ADORA2B: variants seen among roughly 807,000 people sequenced by gnomAD.
ADORA2B encodes the protein adenosine receptor A2b.
In ADORA2B, 18 loss-of-function variants were observed where a neutral mutation model predicts 20.8. The ratio of observed to expected loss-of-function variants is 0.87; its 90% confidence interval spans 0.60 to 1.29. The LOEUF (loss-of-function observed/expected upper bound fraction) is 1.29. Ranked by LOEUF, ADORA2B falls within the 50% of genes most tolerant of loss-of-function variation. The pLI, the probability that ADORA2B is intolerant of heterozygous loss-of-function variation, is 0.00. For synonymous variants in ADORA2B, 179 were observed against 178.3 expected (o/e 1.00, Z -0.03); for missense variants, 441 against 422.7 (o/e 1.04, Z -0.38).
intron 1 of ADORA2B, among the ~76,000 whole-genome samples, chr17:15,960,148 G>C (rs969227070): frequency 3.9e-5 from 6 of 152,158 alleles, no homozygotes; most frequent in African/African-American, 1.2e-4. Flanking sequence ...CATGCCTATA[G>C]TCCTAGCTAT....
At chr17:15,909,441 A>G in the ADORA2B span, among the ~76,000 whole-genome samples, 490 of 152,328 alleles carry the variant, frequency 3.2e-3, 4 homozygotes, top group Admixed American at 0.024. Flanking sequence ...GCGAAAGGAA[A>G]GCCTGTGATA....
At chr17:15,964,870 G>T (rs11867938) in intron 1 of ADORA2B, among the ~76,000 whole-genome samples, 3 of 151,930 alleles carry the variant, frequency 2.0e-5, no homozygotes, top group Non-Finnish European at 4.4e-5. Context: ...GACCATCCTG[G>T]CTAACACGGT....
the ADORA2B span, among the ~76,000 whole-genome samples, chr17:15,875,594 T>G: frequency 6.6e-6 from 1 of 152,040 alleles, no homozygotes; most frequent in Non-Finnish European, 1.5e-5. Flanking sequence ...TTTCTTTTGC[T>G]TTTTTTTGAG....
At chr17:15,957,162 G>A (rs1969977236) in intron 1 of ADORA2B, among the ~76,000 whole-genome samples, 1 of 152,216 alleles carries the variant, frequency 6.6e-6, no homozygotes, top group Admixed American at 6.5e-5. Context: ...TTGGAGACTC[G>A]TAGAACCACA....
chr17:15,928,909 T>C, the ADORA2B span, among the ~76,000 whole-genome samples: 2 of 151,954 alleles, frequency 1.3e-5, no homozygotes, highest in African/African-American at 4.8e-5. Context: ...TCGAGGGTGA[T>C]GTAGTCCCTA....
chr17:15,895,073 T>C, the ADORA2B span, among the ~76,000 whole-genome samples: 21 of 152,222 alleles, frequency 1.4e-4, no homozygotes, highest in South Asian at 4.0e-3. Flanking sequence ...AAAATTCCTC[T>C]TCTTGGGCGA....
the ADORA2B span, among the ~76,000 whole-genome samples, chr17:15,866,748 G>GCTGCCA: frequency 0.044 from 5,881 of 134,654 alleles, no homozygotes; most frequent in South Asian, 0.1. Context: ...TGCCTCTGCC[G>GCTGCCA]CTGCCTCTCT....
chr17:15,969,838 T>TA (rs2151609212), intron 1 of ADORA2B, among the ~76,000 whole-genome samples: 1 of 152,368 alleles, frequency 6.6e-6, no homozygotes, highest in Non-Finnish European at 1.5e-5. Context: ...AGGTGACCTT[T>TA]ATACAACAGA....
At chr17:15,922,179 C>T in the ADORA2B span, among the ~76,000 whole-genome samples, 11 of 152,176 alleles carry the variant, frequency 7.2e-5, no homozygotes, top group African/African-American at 1.7e-4. Flanking sequence ...TTCCCAGATG[C>T]GTACACACTG....
At chr17:15,923,702 G>A in the ADORA2B span, among the ~76,000 whole-genome samples, 7 of 151,778 alleles carry the variant, frequency 4.6e-5, no homozygotes, top group Admixed American at 1.3e-4. Flanking sequence ...CACCGCGCCC[G>A]GTCCCATTGC....
At chr17:15,900,762 A>G in the ADORA2B span, among the ~76,000 whole-genome samples, 1 of 152,158 alleles carries the variant, frequency 6.6e-6, no homozygotes, top group African/African-American at 2.4e-5. Flanking sequence ...ACTTTTTATC[A>G]GTAGCCATTC....
chr17:15,928,879 G>A, the ADORA2B span, among the ~76,000 whole-genome samples: 5 of 152,140 alleles, frequency 3.3e-5, no homozygotes, highest in African/African-American at 1.2e-4. Context: ...AGGTCTGGAG[G>A]TGACTGTGGC....
At chr17:15,888,276 G>T in the ADORA2B span, among the ~76,000 whole-genome samples, 1 of 129,480 alleles carries the variant, frequency 7.7e-6, no homozygotes, top group African/African-American at 3.3e-5. Context: ...CATTTTGTTT[G>T]GGCATGACTG....
chr17:15,916,042 G>T, the ADORA2B span, among the ~76,000 whole-genome samples: 1 of 152,138 alleles, frequency 6.6e-6, no homozygotes, highest in Non-Finnish European at 1.5e-5. Context: ...ATCACCTCAC[G>T]GGTCACTAAC....
intron 1 of ADORA2B, among the ~76,000 whole-genome samples, chr17:15,971,896 G>A (rs1417156406): frequency 6.6e-6 from 1 of 152,134 alleles, no homozygotes; most frequent in African/African-American, 2.4e-5. Flanking sequence ...GCCTCCTGAA[G>A]TACTGGGATT....
the ADORA2B span, among the ~76,000 whole-genome samples, chr17:15,916,261 C>A: frequency 6.6e-6 from 1 of 152,342 alleles, no homozygotes; most frequent in East Asian, 1.9e-4. Flanking sequence ...TTCCTGGGGA[C>A]TGCAGCTTTG....
chr17:15,899,572 G>A, the ADORA2B span, among the ~76,000 whole-genome samples: 1 of 152,154 alleles, frequency 6.6e-6, no homozygotes, highest in Non-Finnish European at 1.5e-5. Context: ...GCACCCAGTT[G>A]TTTTTCAGCC....
chr17:15,948,149 C>A (rs1354265509), intron 1 of ADORA2B, among the ~76,000 whole-genome samples: 1 of 151,724 alleles, frequency 6.6e-6, no homozygotes, highest in Admixed American at 6.6e-5. Flanking sequence ...CCCAGTTCCT[C>A]CCGGTTCGAG....
chr17:15,854,937 T>C, the ADORA2B span, among the ~76,000 whole-genome samples: 3 of 151,954 alleles, frequency 2.0e-5, no homozygotes, highest in Admixed American at 2.0e-4. Flanking sequence ...TTTTTTTTTT[T>C]TTTTTCTTTT....
Sources: allele counts gnomAD v4.1 joint callset (sites outside exome capture counted in the v4.1 genomes callset), GRCh38; gene constraint gnomAD v4.1.1; transcripts MANE v1.5; gene names NCBI Gene and HGNC (gene_info 2026-07-23, HGNC 2026-07-21).